PRSS23: variants seen among roughly 807,000 people sequenced by gnomAD.
PRSS23 encodes the protein serine protease 23, also known as protease, serine 23.
Under a neutral mutation model 34.7 loss-of-function variants are expected in PRSS23, and 25 were observed. The ratio of observed to expected loss-of-function variants is 0.72; its 90% CI spans 0.53 to 1.01. The LOEUF (loss-of-function observed/expected upper bound fraction) is 1.01, where lower values mean the gene tolerates loss of function less well. Ranked by LOEUF, PRSS23 falls within the 50% of genes least tolerant of loss-of-function variation. The probability of loss-of-function intolerance (pLI) is 0.00; values close to 1 mark genes in which losing one functional copy is unlikely to be tolerated. For missense variants in PRSS23, 445 were observed against 475.6 expected (o/e 0.94, Z 0.60); for synonymous variants, 176 against 186.6 (o/e 0.94, Z 0.46).
At chr11:86,879,736 C>A (rs1383453849) in intron 2 of PRSS23, among the ~76,000 whole-genome samples, 2 of 140,576 alleles carry the variant, frequency 1.4e-5, no homozygotes, top group East Asian at 2.2e-4. Flanking sequence ...GGTGTCAGCC[C>A]CCCGCCCGGC....
intron 2 of PRSS23, chr11:86,947,754 T>A (rs1373552334): frequency 1.3e-5 from 2 of 152,282 alleles, no homozygotes; most frequent in Non-Finnish European, 2.9e-5. Flanking sequence ...TCTACCCCCA[T>A]GTTCCCTTGC....
At chr11:86,859,308 A>G (rs865933209) in intron 2 of PRSS23, among the ~76,000 whole-genome samples, 9 of 152,166 alleles carry the variant, frequency 5.9e-5, no homozygotes, top group Middle Eastern at 3.4e-3. Flanking sequence ...TCAATACCGC[A>G]GAGGGTGTAC....
At chr11:86,863,958 T>C (rs2134937788) in intron 2 of PRSS23, among the ~76,000 whole-genome samples, 1 of 152,342 alleles carries the variant, frequency 6.6e-6, no homozygotes, top group East Asian at 1.9e-4. Flanking sequence ...CTGAGATCAC[T>C]TGGGACCCCA....
At chr11:86,850,896 C>T (rs1197100956) in intron 2 of PRSS23, among the ~76,000 whole-genome samples, 2 of 152,240 alleles carry the variant, frequency 1.3e-5, no homozygotes, top group East Asian at 1.9e-4. Context: ...CTGGTAACAT[C>T]TTCCTACCAC....
At chr11:86,925,848 C>T (rs796596010) in intron 2 of PRSS23, among the ~76,000 whole-genome samples, 99 of 152,208 alleles carry the variant, frequency 6.5e-4, no homozygotes, top group African/African-American at 2.2e-3. Context: ...TCTTCAGTAA[C>T]GTTTTCATAG....
At chr11:86,850,499 G>A (rs188741661) in intron 2 of PRSS23, among the ~76,000 whole-genome samples, 80 of 152,226 alleles carry the variant, frequency 5.3e-4, no homozygotes, top group Admixed American at 5.2e-3. Context: ...CCTGTGTCAG[G>A]ACTTACTTCA....
At position 86,847,344 on chromosome 11, in the gene PRSS23, G is replaced by A. The variant is rs375411334; in HGVS notation, c.206+23751G>A. On this transcript the variant is annotated intron_variant, in intron 2 of 2. Coordinates refer to the PRSS23 transcript ENST00000533902. ...CCCAGGCCTTGCCACCCTGGAACAG[G>A]TTGGATGTATTGGCAGAAGGACCAT... Among the ~76,000 whole-genome samples the A allele has an allele frequency of 7.2e-5, 11 of 152,296 alleles. No individual in the cohort carries two copies. The East Asian group carries it at 2.1e-3, about 29-fold the overall frequency.
At chr11:86,818,819 C>T (rs560018163) in intron 1 of PRSS23, among the ~76,000 whole-genome samples, 6 of 152,322 alleles carry the variant, frequency 3.9e-5, no homozygotes, top group Non-Finnish European at 8.8e-5. Flanking sequence ...GGGTGAGCAA[C>T]GTGCAAAGTG....
At chr11:86,815,875 T>C (rs992078040), downstream of PRSS23, among the ~76,000 whole-genome samples, 1 of 152,176 alleles carries the variant, frequency 6.6e-6, no homozygotes, top group South Asian at 2.1e-4. Flanking sequence ...ACCTTGTTGT[T>C]TCTCCTTTAA....
chr11:86,849,487 T>A (rs1948513356), intron 2 of PRSS23, among the ~76,000 whole-genome samples: 1 of 152,218 alleles, frequency 6.6e-6, no homozygotes. Flanking sequence ...AGGCAAAGAA[T>A]GCCCATCCAA....
At chr11:86,940,695 C>T (rs1337689570) in intron 2 of PRSS23, 1 of 152,256 alleles carries the variant, frequency 6.6e-6, no homozygotes, top group Non-Finnish European at 1.5e-5. Flanking sequence ...CCTCCCACTC[C>T]AAGAATCTCA....
rs1269439308 is a variant in PRSS23, at chr11:86,809,600, A to G, written c.*805A>G. ...TTCACTCACATTTCTGGAACTAGCT[A>G]TTTTTCAGAAGACAATAATCAGGGC... On this transcript the variant is annotated 3_prime_UTR_variant, in exon 2 of 2. Transcript: ENST00000280258. The G allele has an allele frequency of 6.0e-6, 1 of 166,996 alleles. No individual in the cohort carries two copies. Among genetic ancestry groups the G allele is most frequent in the Admixed American group, 6.5e-5 (1 of 15,278 alleles). The allele number at this position is 166,996 out of a possible 1,614,324, so 10.3% of individuals were successfully genotyped here.
At chr11:86,842,702 TC>T (rs1448580223) in intron 2 of PRSS23, among the ~76,000 whole-genome samples, 1 of 152,114 alleles carries the variant, frequency 6.6e-6, no homozygotes, top group African/African-American at 2.4e-5. Flanking sequence ...TACCTGGGAA[TC>T]CAAATTACAA....
chr11:86,843,002 G>C (rs765027491), intron 2 of PRSS23, among the ~76,000 whole-genome samples: 2 of 152,108 alleles, frequency 1.3e-5, no homozygotes, highest in African/African-American at 4.8e-5. Context: ...GAGGCAGCAC[G>C]CTACCTAACT....
At chr11:86,864,013 G>A (rs778526507) in intron 2 of PRSS23, among the ~76,000 whole-genome samples, 8 of 152,048 alleles carry the variant, frequency 5.3e-5, no homozygotes, top group Non-Finnish European at 1.2e-4. Context: ...TAATAATCAC[G>A]GTCATTTATT....
rs1462100160 is a variant in PRSS23, at chr11:86,810,347, A to G, written c.*1552A>G. On this transcript the variant is annotated 3_prime_UTR_variant, in exon 2 of 2. Coordinates refer to ENST00000280258, the MANE Select transcript of PRSS23 (RefSeq NM_007173.6). The stretch of plus-strand genomic sequence containing the variant: ...CTGTCACTTAGACATTCTCTGGGGG[A>G]TTTTCTGCTTGTCTTTCTTGAGCTT... The G allele has an allele frequency of 3.0e-5, 5 of 166,696 alleles. No individual in the cohort carries two copies. The highest frequency in any genetic ancestry group is 7.3e-5 in the Non-Finnish European group (5 of 68,090). The allele number at this position is 166,696 out of a possible 1,614,324, so 10.3% of individuals were successfully genotyped here.
intron 2 of PRSS23, among the ~76,000 whole-genome samples, chr11:86,859,678 C>T (rs73512430): frequency 0.016 from 2,382 of 152,028 alleles, 61 homozygotes; most frequent in African/African-American, 0.054. Context: ...GATGATATTA[C>T]TCCCAATATC....
chr11:86,923,587 T>C (rs1949060925), intron 2 of PRSS23, among the ~76,000 whole-genome samples: 1 of 152,208 alleles, frequency 6.6e-6, no homozygotes, highest in African/African-American at 2.4e-5. Flanking sequence ...TTATACAAGC[T>C]CTACAAGGCA....
intron 2 of PRSS23, among the ~76,000 whole-genome samples, chr11:86,905,894 G>A (rs1948938412): frequency 6.6e-6 from 1 of 152,214 alleles, no homozygotes; most frequent in African/African-American, 2.4e-5. Flanking sequence ...ATTCTGTACA[G>A]ATGTGAACAA....
Sources: allele counts gnomAD v4.1 joint callset (sites outside exome capture counted in the v4.1 genomes callset), GRCh38; gene constraint gnomAD v4.1.1; transcripts MANE v1.5; gene names NCBI Gene and HGNC (gene_info 2026-07-23, HGNC 2026-07-21).